COBLL1: variants seen among roughly 807,000 people sequenced by gnomAD.
COBLL1 encodes cordon-bleu WH2 repeat protein like 1, also known as cordon-bleu protein-like 1.
Under a neutral mutation model 94.8 loss-of-function variants are expected in COBLL1, and 50 were observed. The observed-to-expected ratio is 0.53, with a 90% CI of 0.42 to 0.67. COBLL1 has a LOEUF of 0.67. Ranked by LOEUF, COBLL1 falls within the 30% of genes least tolerant of loss-of-function variation. The pLI, the probability that COBLL1 is intolerant of heterozygous loss-of-function variation, is 0.00. For missense variants in COBLL1, 1,362 were observed against 1,348.7 expected (o/e 1.01, Z -0.15); for synonymous variants, 448 against 473.8 (o/e 0.95, Z 0.71).
chr2:164,794,901 A>G (rs1170686788), intron 2 of COBLL1, among the ~76,000 whole-genome samples: 2 of 152,216 alleles, frequency 1.3e-5, no homozygotes, highest in Non-Finnish European at 2.9e-5. Flanking sequence ...ACAAGTGCTA[A>G]TGTTTAAGAC....
downstream of COBLL1, among the ~76,000 whole-genome samples, chr2:164,678,191 A>T (rs565072395): frequency 6.6e-6 from 1 of 152,192 alleles, no homozygotes; most frequent in Non-Finnish European, 1.5e-5. Flanking sequence ...TTTCTTCAAG[A>T]TATAAAGGCT....
intron 2 of COBLL1, among the ~76,000 whole-genome samples, chr2:164,837,932 G>A (rs1490263565): frequency 8.5e-5 from 13 of 152,158 alleles, no homozygotes; most frequent in East Asian, 3.9e-4. Flanking sequence ...CTGTAGTCTC[G>A]GCCATGCAGG....
chr2:164,786,341 A>C (rs1168045568), intron 2 of COBLL1, among the ~76,000 whole-genome samples: 1 of 152,188 alleles, frequency 6.6e-6, no homozygotes, highest in East Asian at 1.9e-4. Context: ...AAGTGTCCTA[A>C]AAGTCATGCC....
intron 6 of COBLL1, 47 bp from the exon 7 acceptor site, chr2:164,722,358 G>T (rs773496662): frequency 6.5e-7 from 1 of 1,536,004 alleles, no homozygotes; most frequent in South Asian, 1.2e-5. Context: ...CAAGATATTA[G>T]TAAAAAGCAT....
At chr2:164,820,872 A>G (rs1685133297) in intron 2 of COBLL1, among the ~76,000 whole-genome samples, 3 of 152,146 alleles carry the variant, frequency 2.0e-5, no homozygotes. Flanking sequence ...CAGAAATGAC[A>G]TGGACAATTT....
In COBLL1 at chr2:164,685,045, T is replaced by C. The variant is rs1214722467; in HGVS notation, c.*901A>G. 6.6e-6 allele frequency: 1 copy of C among 152,180 alleles called. No individual in the cohort carries two copies. The highest frequency in any genetic ancestry group is 1.5e-5 in the Non-Finnish European group (1 of 68,010). 9.4% of individuals were successfully genotyped at this position (152,180 alleles called of 1,614,324 possible). A position where few individuals can be genotyped will look rare whatever the true frequency, so the allele number is the denominator to read the frequency against. The stretch of plus-strand genomic sequence containing the variant: ...CATCTGAACTATATAATGACTATTT[T>C]ATCATTTTACTTGAATTAAAACCAG... On this transcript the variant is annotated 3_prime_UTR_variant, in exon 14 of 14. Transcript: ENST00000652658.
chr2:164,707,542 A>C (rs1367140529), intron 7 of COBLL1, among the ~76,000 whole-genome samples: 1 of 152,166 alleles, frequency 6.6e-6, no homozygotes. Flanking sequence ...TCTCTAACAT[A>C]CTATACAGTT....
chr2:164,730,993 ACT>A (rs1685979776), intron 3 of COBLL1, among the ~76,000 whole-genome samples: 1 of 152,190 alleles, frequency 6.6e-6, no homozygotes, highest in South Asian at 2.1e-4. Flanking sequence ...TAGATCTAAC[ACT>A]CTACTGGATG....
chr2:164,764,824 T>C (rs1687856114), intron 2 of COBLL1, among the ~76,000 whole-genome samples: 1 of 152,140 alleles, frequency 6.6e-6, no homozygotes, highest in African/African-American at 2.4e-5. Flanking sequence ...TTATTAATAA[T>C]AAAAACTAAA....
At chr2:164,747,090 CACAG>C (rs71393636) in intron 2 of COBLL1, among the ~76,000 whole-genome samples, 33,444 of 151,938 alleles carry the variant, frequency 0.22, 4,118 homozygotes, top group African/African-American at 0.33. Flanking sequence ...GACTACTTTC[CACAG>C]AAGATGCACT....
In COBLL1 at chr2:164,692,118, G is replaced by A; in HGVS notation, c.3300+103C>T. 4.0e-6 allele frequency: 4 copies of A among 987,856 alleles called. 1 individual carries two copies. The East Asian group carries it at 1.1e-4, about 27-fold the overall frequency. The allele number at this position is 987,856 out of a possible 1,614,324, so 61.2% of individuals were successfully genotyped here. ...CAAAGACACAGAAGAGTAACTTTGGGAACCCTATTTAGATTTACATGCTAG... is the reference window on the plus strand; with the variant it reads ...CAAAGACACAGAAGAGTAACTTTGGAAACCCTATTTAGATTTACATGCTAG... On this transcript the variant is annotated intron_variant, in intron 13 of 13. Coordinates refer to ENST00000652658, the MANE Select transcript of COBLL1 (RefSeq NM_001365672.2).
intron 1 of COBLL1, among the ~76,000 whole-genome samples, chr2:164,668,152 TG>T (rs1379420000): frequency 6.6e-6 from 1 of 152,028 alleles, no homozygotes; most frequent in Non-Finnish European, 1.5e-5. Context: ...TTTGTAGAGG[TG>T]GGGTTTCACC....
chr2:164,801,883 AAAG>A (rs1375643366), intron 2 of COBLL1, among the ~76,000 whole-genome samples: 2 of 152,216 alleles, frequency 1.3e-5, no homozygotes, highest in African/African-American at 2.4e-5. Context: ...CCAGAAGCTG[AAAG>A]AAGACTGGGC....
intron 3 of COBLL1, among the ~76,000 whole-genome samples, chr2:164,737,743 A>G (rs747641926): frequency 2.0e-5 from 3 of 152,078 alleles, no homozygotes; most frequent in Admixed American, 1.3e-4. Flanking sequence ...AAAATCCCAC[A>G]CCGATCCCTT....
intron 3 of COBLL1, among the ~76,000 whole-genome samples, chr2:164,742,468 G>C (rs962415844): frequency 2.6e-5 from 4 of 151,826 alleles, no homozygotes; most frequent in Admixed American, 2.0e-4. Context: ...AAGAATTGAT[G>C]ATAATGGCCA....
rs370657966 is a variant in COBLL1, at chr2:164,818,173, C to T, written c.41+22983G>A. On this transcript the variant is annotated intron_variant, in intron 2 of 13. Coordinates refer to ENST00000652658, the MANE Select transcript of COBLL1 (RefSeq NM_001365672.2). ...ATGTATACGTGTATGTATACATGCA[C>T]GTATACACGTATATATACGTATGTA... Among the ~76,000 whole-genome samples, 7 of 148,166 alleles carry T rather than the reference C, an allele frequency of 4.7e-5. No homozygotes were observed. The South Asian group carries it at 1.1e-3, about 23-fold the overall frequency.
intron 2 of COBLL1, among the ~76,000 whole-genome samples, chr2:164,788,305 T>G (rs1415471702): frequency 6.6e-6 from 1 of 152,194 alleles, no homozygotes. Context: ...AAGACTGATG[T>G]GCAGATGTGA....
chr2:164,809,349 T>C (rs1684346897), intron 2 of COBLL1, among the ~76,000 whole-genome samples: 1 of 152,020 alleles, frequency 6.6e-6, no homozygotes. Context: ...GAACTCTTAT[T>C]CCTACATGTA....
intron 9 of COBLL1, chr2:164,703,743 C>A: frequency 3.2e-6 from 1 of 311,168 alleles, no homozygotes; most frequent in Non-Finnish European, 6.5e-6. Flanking sequence ...CAGAATTATC[C>A]CCATGATAAA....
Sources: allele counts gnomAD v4.1 joint callset (sites outside exome capture counted in the v4.1 genomes callset), GRCh38; gene constraint gnomAD v4.1.1; transcripts MANE v1.5; gene names NCBI Gene and HGNC (gene_info 2026-07-23, HGNC 2026-07-21).